Variants in GNG12 observed in about 807,000 individuals in gnomAD.
GNG12 encodes guanine nucleotide-binding protein G(I)/G(S)/G(O) subunit gamma-12.
For synonymous variants in GNG12, 28 were observed against 29.7 expected (o/e 0.94, Z 0.19); for missense variants, 69 against 83.8 (o/e 0.82, Z 0.69).
chr1:67,708,041 G>A (rs1646260482), intron 2 of GNG12, among the ~76,000 whole-genome samples: 1 of 152,222 alleles, frequency 6.6e-6, no homozygotes, highest in Non-Finnish European at 1.5e-5. Flanking sequence ...GCACTTAGGG[G>A]ACCTGTGGCA....
At chr1:67,786,935 A>ATGTGTGTGTGTGTG (rs60096043) in intron 1 of GNG12, among the ~76,000 whole-genome samples, 3 of 133,408 alleles carry the variant, frequency 2.2e-5, no homozygotes, top group African/African-American at 6.0e-5. Context: ...TTATATATAT[A>ATGTGTGTGTGTGTG]TGTGTGTGTG....
intron 2 of GNG12, among the ~76,000 whole-genome samples, chr1:67,733,451 G>A (rs983171964): frequency 2.6e-5 from 4 of 152,052 alleles, no homozygotes; most frequent in Admixed American, 6.5e-5. Flanking sequence ...CGTATATGAT[G>A]TGCATGCATC....
chr1:67,706,734 C>A (rs138228795), intron 3 of GNG12, among the ~76,000 whole-genome samples: 1,817 of 151,142 alleles, frequency 0.012, 31 homozygotes, highest in African/African-American at 0.043. Context: ...TGGTTCACTG[C>A]AACCTCTGCC....
chr1:67,784,055 T>C (rs1646753036), intron 1 of GNG12, among the ~76,000 whole-genome samples: 1 of 151,336 alleles, frequency 6.6e-6, no homozygotes. Context: ...AGCAAAGACT[T>C]GGAACCAACC....
intron 1 of GNG12, among the ~76,000 whole-genome samples, chr1:67,832,979 C>A (rs530352486): frequency 4.6e-5 from 7 of 152,254 alleles, no homozygotes; most frequent in African/African-American, 1.4e-4. Flanking sequence ...CAAGCGAGCT[C>A]AAGGGGAGAC....
intron 2 of GNG12, among the ~76,000 whole-genome samples, chr1:67,711,662 G>T (rs1184810661): frequency 6.6e-6 from 1 of 152,088 alleles, no homozygotes; most frequent in Non-Finnish European, 1.5e-5. Flanking sequence ...AAGATTTCTG[G>T]GAGAATATTT....
intron 1 of GNG12, among the ~76,000 whole-genome samples, chr1:67,800,471 A>C (rs1646858373): frequency 6.6e-6 from 1 of 152,226 alleles, no homozygotes; most frequent in Admixed American, 6.5e-5. Flanking sequence ...CTTGTCAGAC[A>C]TTCTTTCAAG....
chr1:67,714,973 A>G (rs1025909154), intron 2 of GNG12, among the ~76,000 whole-genome samples: 2 of 152,118 alleles, frequency 1.3e-5, no homozygotes, highest in African/African-American at 4.8e-5. Context: ...CCCAGGCTGG[A>G]GTGCAGTGGC....
At chr1:67,828,970 C>G (rs1647026887) in intron 1 of GNG12, among the ~76,000 whole-genome samples, 1 of 152,104 alleles carries the variant, frequency 6.6e-6, no homozygotes, top group African/African-American at 2.4e-5. Context: ...AGTTAACAAG[C>G]CAGATTTGTT....
chr1:67,713,685 C>T (rs1339129436), intron 2 of GNG12, among the ~76,000 whole-genome samples: 1 of 152,180 alleles, frequency 6.6e-6, no homozygotes, highest in Non-Finnish European at 1.5e-5. Context: ...CACTGGCTCC[C>T]ACTTACTCTC....
intron 2 of GNG12, among the ~76,000 whole-genome samples, chr1:67,750,428 T>C (rs147341034): frequency 2.0e-5 from 3 of 152,348 alleles, no homozygotes; most frequent in Non-Finnish European, 4.4e-5. Flanking sequence ...TTGCTTTGTA[T>C]GCAGGTTTTC....
chr1:67,784,247 A>G (rs1450964938), intron 1 of GNG12, among the ~76,000 whole-genome samples: 1 of 146,144 alleles, frequency 6.8e-6, no homozygotes, highest in Non-Finnish European at 1.5e-5. Flanking sequence ...ATTCTCACTC[A>G]TAGGTGGGAA....
intron 1 of GNG12, among the ~76,000 whole-genome samples, chr1:67,823,967 T>A (rs1302055243): frequency 6.6e-6 from 1 of 152,184 alleles, no homozygotes; most frequent in Non-Finnish European, 1.5e-5. Flanking sequence ...TCTGTGTGTG[T>A]GTGAGAAAGA....
At chr1:67,797,838 C>T (rs967572679) in intron 1 of GNG12, among the ~76,000 whole-genome samples, 1 of 152,158 alleles carries the variant, frequency 6.6e-6, no homozygotes, top group Non-Finnish European at 1.5e-5. Flanking sequence ...CAAGATCTTC[C>T]TCAGGTGACT....
intron 2 of GNG12, among the ~76,000 whole-genome samples, chr1:67,775,492 A>G (rs1351566816): frequency 6.6e-6 from 1 of 152,256 alleles, no homozygotes; most frequent in Non-Finnish European, 1.5e-5. Context: ...GCCCAGTGGA[A>G]GGGACTGTAT....
intron 2 of GNG12, among the ~76,000 whole-genome samples, chr1:67,767,017 T>C (rs1646644356): frequency 6.6e-6 from 1 of 152,176 alleles, no homozygotes; most frequent in Admixed American, 6.5e-5. Context: ...CCCTGACCCA[T>C]GGATAGATCG....
At chr1:67,779,619 T>C (rs914558096) in intron 1 of GNG12, among the ~76,000 whole-genome samples, 5 of 152,176 alleles carry the variant, frequency 3.3e-5, no homozygotes, top group Non-Finnish European at 7.3e-5. Flanking sequence ...AGTCACCACC[T>C]CTGGGAAGCC....
intron 2 of GNG12, among the ~76,000 whole-genome samples, chr1:67,728,934 A>G (rs1057113326): frequency 1.3e-5 from 2 of 152,254 alleles, no homozygotes; most frequent in African/African-American, 4.8e-5. Context: ...AAATACACAG[A>G]AAACCTGGAA....
At chr1:67,799,790 TC>T (rs1646853723) in intron 1 of GNG12, among the ~76,000 whole-genome samples, 1 of 152,224 alleles carries the variant, frequency 6.6e-6, no homozygotes, top group Admixed American at 6.5e-5. Context: ...AACAATGTTT[TC>T]CAAAACAGAA....
Sources: allele counts gnomAD v4.1 joint callset (sites outside exome capture counted in the v4.1 genomes callset), GRCh38; gene constraint gnomAD v4.1.1; transcripts MANE v1.5; gene names NCBI Gene and HGNC (gene_info 2026-07-23, HGNC 2026-07-21).